Variants in BAIAP2L1 observed in about 807,000 individuals in gnomAD.
BAIAP2L1 encodes BAR/IMD domain-containing adapter protein 2-like 1.
In BAIAP2L1, 35 loss-of-function variants were observed where a neutral mutation model predicts 66.3. The ratio of observed to expected loss-of-function variants is 0.53; its 90% CI spans 0.40 to 0.70. The LOEUF is 0.70. Ranked by LOEUF, BAIAP2L1 falls within the 30% of genes least tolerant of loss-of-function variation. The pLI is 0.00. For synonymous variants in BAIAP2L1, 269 were observed against 248.7 expected (o/e 1.08, Z -0.77); for missense variants, 622 against 656.9 (o/e 0.95, Z 0.58).
intron 3 of BAIAP2L1, among the ~76,000 whole-genome samples, chr7:98,340,258 T>G (rs186045660): frequency 1.8e-4 from 27 of 152,260 alleles, no homozygotes; most frequent in Admixed American, 1.6e-3. Context: ...CTAATCTGAT[T>G]CAATGATTCA....
chr7:98,305,170 C>A (rs916546694), intron 11 of BAIAP2L1, among the ~76,000 whole-genome samples: 2 of 148,634 alleles, frequency 1.3e-5, no homozygotes, highest in African/African-American at 5.0e-5. Context: ...GGATTACAGG[C>A]ATGAGCCCCT....
At chr7:98,316,884 G>A (rs1165944145) in intron 6 of BAIAP2L1, among the ~76,000 whole-genome samples, 1 of 148,278 alleles carries the variant, frequency 6.7e-6, no homozygotes, top group African/African-American at 2.5e-5. Context: ...TTTTTTTTGA[G>A]ATGGAGTCTC....
rs1456861481 is a variant in BAIAP2L1, at chr7:98,393,157, A to G, written c.51+7645T>C. 2.3e-5 allele frequency among the ~76,000 whole-genome samples: 2 copies of G among 86,986 alleles called. 1 individual carries two copies. Among genetic ancestry groups the G allele is most frequent in the Non-Finnish European group, 4.4e-5 (2 of 45,892 alleles). 57.1% of individuals were successfully genotyped at this position (86,986 alleles called of 152,430 possible). On this transcript the variant is annotated intron_variant, in intron 1 of 13. Transcript: ENST00000005260. ...CACACATATGTGTACATATATATGT[A>G]CACATATATGTATATATATACATAT...
In BAIAP2L1 at chr7:98,396,141, A is replaced by G. The variant is rs184413259; in HGVS notation, c.51+4661T>C. ...GGCCAGAGTACAGTGGCACCATTTCAGTACTGCAACCTCTGCCTCCTGGCC... is the reference window on the plus strand; with the variant it reads ...GGCCAGAGTACAGTGGCACCATTTCGGTACTGCAACCTCTGCCTCCTGGCC... On this transcript the variant is annotated intron_variant, in intron 1 of 13. Coordinates refer to ENST00000005260, the MANE Select transcript of BAIAP2L1 (RefSeq NM_018842.5). Among the ~76,000 whole-genome samples, 4 of 152,184 alleles carry G rather than the reference A, an allele frequency of 2.6e-5. No individual in the cohort carries two copies. In the East Asian group the frequency reaches 7.7e-4, roughly 29 times the overall value.
At chr7:98,346,511 A>G (rs1801875985) in intron 3 of BAIAP2L1, among the ~76,000 whole-genome samples, 1 of 152,214 alleles carries the variant, frequency 6.6e-6, no homozygotes, top group Non-Finnish European at 1.5e-5. Flanking sequence ...GTGGAAATTG[A>G]CAAGCTGATT....
At chr7:98,347,906 G>A (rs762612438) in intron 3 of BAIAP2L1, among the ~76,000 whole-genome samples, 4 of 152,140 alleles carry the variant, frequency 2.6e-5, no homozygotes, top group African/African-American at 9.6e-5. Flanking sequence ...ACCAAACACC[G>A]CATGTTCTCA....
At chr7:98,367,193 T>C (rs1226323987) in intron 1 of BAIAP2L1, among the ~76,000 whole-genome samples, 12 of 152,006 alleles carry the variant, frequency 7.9e-5, no homozygotes. Flanking sequence ...CTCATAAGAG[T>C]TGTAAAAATA....
At position 98,299,804 on chromosome 7, in the gene BAIAP2L1, G is replaced by T. The variant is rs909060647; in HGVS notation, c.1422+4392C>A. ...GCCTATATTCCCAGCACTTTGGGAG[G>T]CTGAGGCGGGAGGATCACCTGAGAT... On this transcript the variant is annotated intron_variant, in intron 12 of 13. Transcript: ENST00000005260. Among the ~76,000 whole-genome samples, 13 of 152,194 alleles carry T rather than the reference G, an allele frequency of 8.5e-5. 1 individual carries two copies. Among genetic ancestry groups the T allele is most frequent in the Admixed American group, 7.9e-4 (12 of 15,282 alleles).
chr7:98,354,715 C>G (rs1474043136), intron 3 of BAIAP2L1, among the ~76,000 whole-genome samples: 1 of 152,138 alleles, frequency 6.6e-6, no homozygotes, highest in Admixed American at 6.5e-5. Context: ...GGCCACAGCC[C>G]GAGGCCCCAG....
chr7:98,353,539 A>G (rs1562781534), intron 3 of BAIAP2L1, among the ~76,000 whole-genome samples: 2 of 136,126 alleles, frequency 1.5e-5, no homozygotes, highest in Non-Finnish European at 3.1e-5. Context: ...AAATATACAT[A>G]TATTTATATT....
intron 1 of BAIAP2L1, among the ~76,000 whole-genome samples, chr7:98,397,069 G>A (rs1396138279): frequency 2.0e-5 from 3 of 152,082 alleles, no homozygotes; most frequent in Admixed American, 2.0e-4. Flanking sequence ...TGGGAAGAGA[G>A]GGAAAGAAAC....
chr7:98,333,875 T>C (rs1221819499), intron 3 of BAIAP2L1, among the ~76,000 whole-genome samples: 1 of 152,116 alleles, frequency 6.6e-6, no homozygotes, highest in Non-Finnish European at 1.5e-5. Context: ...GTGTGGAATG[T>C]TACATTTTAA....
intron 6 of BAIAP2L1, 64 bp from the exon 7 acceptor site, chr7:98,315,676 G>A: frequency 1.3e-6 from 1 of 782,616 alleles, no homozygotes; most frequent in African/African-American, 1.8e-5. Context: ...CAGATAGCGT[G>A]CAGCCTGACG....
intron 2 of BAIAP2L1, among the ~76,000 whole-genome samples, chr7:98,360,079 C>T (rs1431364123): frequency 6.6e-6 from 1 of 152,116 alleles, no homozygotes; most frequent in African/African-American, 2.4e-5. Flanking sequence ...CGTGCCACCA[C>T]TCCCGGCTAA....
intron 11 of BAIAP2L1, among the ~76,000 whole-genome samples, chr7:98,305,801 C>T (rs1800634246): frequency 6.6e-6 from 1 of 152,164 alleles, no homozygotes; most frequent in African/African-American, 2.4e-5. Flanking sequence ...ATGCAAAGTC[C>T]TTTGGACAGT....
At chr7:98,316,105 T>G (rs1405017793) in intron 6 of BAIAP2L1, among the ~76,000 whole-genome samples, 1 of 152,152 alleles carries the variant, frequency 6.6e-6, no homozygotes, top group African/African-American at 2.4e-5. Context: ...ATTCTTGTGA[T>G]AGTGAATAAG....
chr7:98,323,327 AAAC>A (rs770700923), intron 3 of BAIAP2L1: 1 of 152,246 alleles, frequency 6.6e-6, no homozygotes, highest in Non-Finnish European at 1.5e-5. Flanking sequence ...GATGAAATAT[AAAC>A]AACAACAAAA....
intron 3 of BAIAP2L1, among the ~76,000 whole-genome samples, chr7:98,350,285 T>C (rs535940155): frequency 9.2e-5 from 14 of 152,050 alleles, no homozygotes; most frequent in African/African-American, 3.1e-4. Flanking sequence ...TTCAGGTACC[T>C]TGGCAGCGAG....
rs1323822131 is a variant in BAIAP2L1 at position 98,304,320 on chromosome 7, A to T, written c.1298T>A (p.Val433Asp). ...TTCCAAGTAGTCGGGTGGGGGGATGACAACACTGCTATTCTCAGACAAGTT... is the reference window on the plus strand; with the variant it reads ...TTCCAAGTAGTCGGGTGGGGGGATGTCAACACTGCTATTCTCAGACAAGTT... ...TVNLSENSSV[V>D]IPPPDYLECL... Residue 433 changes from valine to aspartate, a missense_variant, in exon 12 of 14, where the codon GTC (valine) becomes GAC (aspartate). Physicochemically the swap from Val to Asp is radical, Grantham distance 152 (BLOSUM62 -3). Transcript: ENST00000005260. 2 of 1,613,408 alleles carry T rather than the reference A, an allele frequency of 1.2e-6. No individual in the cohort carries two copies. Among genetic ancestry groups the T allele is most frequent in the Non-Finnish European group, 1.7e-6 (2 of 1,179,648 alleles).
Sources: gnomAD v4.1 joint callset for allele counts (sites outside exome capture counted in the v4.1 genomes callset) on GRCh38, gnomAD v4.1.1 for gene constraint, MANE v1.5 for transcripts, NCBI Gene and HGNC (gene_info 2026-07-23, HGNC 2026-07-21) for gene names.